PFKFB2: variants seen among roughly 807,000 people sequenced by gnomAD.
The protein encoded by PFKFB2 is 6-phosphofructo-2-kinase/fructose-2,6-bisphosphatase 2.
Under a neutral mutation model 68.0 loss-of-function variants are expected in PFKFB2, and 53 were observed. The observed-to-expected ratio is 0.78, with a 90% CI of 0.63 to 0.98. PFKFB2 has a LOEUF of 0.98. Ranked by LOEUF, PFKFB2 falls within the 50% of genes least tolerant of loss-of-function variation. The pLI is 0.00. For missense variants in PFKFB2, 451 were observed against 642.0 expected, an observed-to-expected ratio of 0.70 and a Z score of 3.22; for synonymous variants, 222 against 227.6, an observed-to-expected ratio of 0.98 and a Z score of 0.22.
chr1:207,054,622 G>T, intron 1 of PFKFB2, 79 bp from the exon 2 acceptor site: 2 of 921,662 alleles, frequency 2.2e-6, no homozygotes, highest in Non-Finnish European at 3.4e-6. Context: ...ATACCACACG[G>T]ATCCAATGCA....
At chr1:207,064,443 G>A (rs556249399) in intron 7 of PFKFB2, among the ~76,000 whole-genome samples, 13 of 152,096 alleles carry the variant, frequency 8.5e-5, no homozygotes, top group East Asian at 1.9e-4. Flanking sequence ...CAGACTCTTC[G>A]TTTCAGGACT....
At chr1:207,049,148 T>C (rs1558053727), upstream of PFKFB2, 1 of 1,614,056 alleles carries the variant, frequency 6.2e-7, no homozygotes, top group Non-Finnish European at 8.5e-7. Flanking sequence ...AACTGTCTCC[T>C]TCTTCTAGCT....
At chr1:207,066,970 A>G (rs1405993464) in intron 8 of PFKFB2, among the ~76,000 whole-genome samples, 1 of 152,150 alleles carries the variant, frequency 6.6e-6, no homozygotes, top group African/African-American at 2.4e-5. Flanking sequence ...GACTTTTATA[A>G]AGAGAACAAT....
At chr1:207,052,362 T>G (rs1446748789), upstream of PFKFB2, 16 of 774,702 alleles carry the variant, frequency 2.1e-5, no homozygotes, top group Non-Finnish European at 2.8e-5. Context: ...GTAGGAGTGG[T>G]TAGAAGTCCA....
In PFKFB2 at chr1:207,077,772, G is replaced by A. The variant is rs1683670295; in HGVS notation, c.*5401G>A. ...GTATTTGAAATGTGTTTTTGTGTGC[G>A]TGTGTGTAGAATGGGTAAATAAAAT... is the stretch of plus-strand genomic sequence containing the variant. On this transcript the variant is annotated 3_prime_UTR_variant, in exon 15 of 15. Transcript: ENST00000367080. 1.2e-5 allele frequency: 12 copies of A among 985,660 alleles called. No homozygotes were observed. The highest frequency in any genetic ancestry group is 1.3e-5 in the Non-Finnish European group (11 of 829,768). 61.1% of individuals were successfully genotyped at this position (985,660 alleles called of 1,614,324 possible).
upstream of PFKFB2, chr1:207,049,591 G>T: frequency 6.2e-7 from 1 of 1,614,200 alleles, no homozygotes; most frequent in Non-Finnish European, 8.5e-7. Flanking sequence ...AAAGAGGCAA[G>T]AGTTGTCTGC....
chr1:207,072,823 GT>G lies in PFKFB2; in HGVS notation c.*456del. 1.0e-6 allele frequency: 1 copy of G among 991,996 alleles called. No homozygotes were observed. Among genetic ancestry groups the G allele is most frequent in the Non-Finnish European group, 1.2e-6 (1 of 834,228 alleles). 61.4% of individuals were successfully genotyped at this position (991,996 alleles called of 1,614,324 possible). A position where few individuals can be genotyped will look rare whatever the true frequency, so the allele number is the denominator to read the frequency against. On this transcript the variant is annotated 3_prime_UTR_variant, in exon 15 of 15. Transcript: ENST00000367080. Reference sequence around the variant, plus strand: ...CTTCACTTTTGTCTCTTCAATGTGTGTTTTCCTCACACTCCTTACTTGACTG... The same window carrying G: ...CTTCACTTTTGTCTCTTCAATGTGTGTTTCCTCACACTCCTTACTTGACTG...
rs576122827 is a variant in PFKFB2 at position 207,073,553 on chromosome 1, T to C, written c.*1182T>C. The stretch of plus-strand genomic sequence containing the variant: ...AATAGTTTTTACATGACCATTTTTT[T>C]CCCAAATGTGGAAAAGCTTGATGAT... On this transcript the variant is annotated 3_prime_UTR_variant, in exon 15 of 15. Transcript: ENST00000367080. 57 of 985,184 alleles carry C rather than the reference T, an allele frequency of 5.8e-5. No homozygotes were observed. The African/African-American group carries it at 8.2e-4, about 14-fold the overall frequency. The allele number at this position is 985,184 out of a possible 1,614,324, so 61.0% of individuals were successfully genotyped here. A position where few individuals can be genotyped will look rare whatever the true frequency, so the allele number is the denominator to read the frequency against.
rs1199320220 is a variant in PFKFB2, at chr1:207,076,375, T to C, written c.*4004T>C. The C allele has an allele frequency of 1.0e-6, 1 of 985,086 alleles. No individual in the cohort carries two copies. Among genetic ancestry groups the C allele is most frequent in the Non-Finnish European group, 1.2e-6 (1 of 829,914 alleles). 61.0% of individuals were successfully genotyped at this position (985,086 alleles called of 1,614,324 possible). A position where few individuals can be genotyped will look rare whatever the true frequency, so the allele number is the denominator to read the frequency against. ...GAAGAATTGTATCTGGGTTATGTAATCTTATGCACATTCCATTGTCTTTGC... is the reference window on the plus strand; with the variant it reads ...GAAGAATTGTATCTGGGTTATGTAACCTTATGCACATTCCATTGTCTTTGC... On this transcript the variant is annotated 3_prime_UTR_variant, in exon 15 of 15. Transcript: ENST00000367080.
At chr1:207,049,534 C>G, upstream of PFKFB2, 1 of 1,614,172 alleles carries the variant, frequency 6.2e-7, no homozygotes, top group Non-Finnish European at 8.5e-7. Flanking sequence ...CTCAGGGGCA[C>G]AAGCTGGATT....
intron 10 of PFKFB2, 76 bp downstream of exon 10, chr1:207,068,385 CA>C (rs1376971259): frequency 3.2e-4 from 413 of 1,290,656 alleles, no homozygotes; most frequent in Admixed American, 6.6e-4. Flanking sequence ...ACTATTTAGA[CA>C]GTTTTATCTA....
chr1:207,076,020 T>C lies in PFKFB2; in HGVS notation c.*3649T>C, dbSNP rs907324121. On this transcript the variant is annotated 3_prime_UTR_variant, in exon 15 of 15. Transcript: ENST00000367080. ...TGCATTGTGCTAGGGATCTGCCCTA[T>C]ATCTTTGCCTCTGGTGTTTCGTTGT... 3 of 985,354 alleles carry C rather than the reference T, an allele frequency of 3.0e-6. No homozygotes were observed. The East Asian group carries it at 3.4e-4, about 112-fold the overall frequency. The allele number at this position is 985,354 out of a possible 1,614,324, so 61.0% of individuals were successfully genotyped here.
chr1:207,060,656 A>C (rs1191756283), intron 2 of PFKFB2, among the ~76,000 whole-genome samples: 2 of 152,110 alleles, frequency 1.3e-5, no homozygotes, highest in African/African-American at 4.8e-5. Context: ...GATCCTGGAG[A>C]CAGAAACTCT....
At chr1:207,071,623 C>A in intron 14 of PFKFB2, 50 bp downstream of exon 14, 1 of 1,384,244 alleles carries the variant, frequency 7.2e-7, no homozygotes. Context: ...CACCTTGAGT[C>A]TCTGAAGCTT....
chr1:207,043,035 T>A (rs959231564), intron 2 of PFKFB2, among the ~76,000 whole-genome samples: 3 of 151,782 alleles, frequency 2.0e-5, no homozygotes, highest in Admixed American at 2.0e-4. Context: ...TTTTTTTTTT[T>A]AAATCATGCA....
chr1:207,067,407 G>T (rs919109913), intron 8 of PFKFB2, 92 bp from the exon 9 acceptor site: 28 of 852,038 alleles, frequency 3.3e-5, no homozygotes, highest in Admixed American at 2.7e-4. Flanking sequence ...GCAGCTGTGA[G>T]CCTGCAAGTC....
chr1:207,038,660 T>G (rs895506647), intron 1 of PFKFB2, among the ~76,000 whole-genome samples: 2 of 152,202 alleles, frequency 1.3e-5, no homozygotes, highest in African/African-American at 4.8e-5. Flanking sequence ...TCCCACCCAA[T>G]TATTCTTTTC....
intron 1 of PFKFB2, among the ~76,000 whole-genome samples, chr1:207,037,549 A>C (rs1682398552): frequency 6.6e-6 from 1 of 152,234 alleles, no homozygotes; most frequent in African/African-American, 2.4e-5. Flanking sequence ...GTAGATGCCT[A>C]CATGATCTCT....
At position 207,077,795 on chromosome 1, in the gene PFKFB2, A is replaced by G; in HGVS notation, c.*5424A>G. 9.1e-6 allele frequency: 9 copies of G among 985,800 alleles called. No homozygotes were observed. The highest frequency in any genetic ancestry group is 1.1e-5 in the Non-Finnish European group (9 of 829,912). 61.1% of individuals were successfully genotyped at this position (985,800 alleles called of 1,614,324 possible). ...GCGTGTGTGTAGAATGGGTAAATAA[A>G]ATTGTTGAGTAACTTGAACCTATCA... On this transcript the variant is annotated 3_prime_UTR_variant, in exon 15 of 15. Coordinates refer to ENST00000367080, the MANE Select transcript of PFKFB2 (RefSeq NM_006212.2).
Sources: allele counts gnomAD v4.1 joint callset (sites outside exome capture counted in the v4.1 genomes callset), GRCh38; gene constraint gnomAD v4.1.1; transcripts MANE v1.5; gene names NCBI Gene and HGNC (gene_info 2026-07-23, HGNC 2026-07-21).